DACH1: variants seen among roughly 807,000 people sequenced by gnomAD.
DACH1 encodes dachshund homolog 1.
In DACH1, 12 loss-of-function variants were observed where a neutral mutation model predicts 54.2. The ratio of observed to expected loss-of-function variants is 0.22; its 90% CI spans 0.14 to 0.36. The LOEUF is 0.36. Among genes scored for constraint, DACH1 ranks in the 10% least tolerant of loss-of-function variants. The pLI, the probability that DACH1 is intolerant of heterozygous loss-of-function variation, is 1.00. For missense variants in DACH1, 805 were observed against 929.8 expected (o/e 0.87, Z 1.75); for synonymous variants, 386 against 366.2 (o/e 1.05, Z -0.62).
chr13:71,672,015 T>A (rs534006790), intron 2 of DACH1, among the ~76,000 whole-genome samples: 4 of 152,132 alleles, frequency 2.6e-5, no homozygotes, highest in Non-Finnish European at 5.9e-5. Flanking sequence ...CAAATTGCTA[T>A]CAGCATGACT....
intron 3 of DACH1, among the ~76,000 whole-genome samples, chr13:71,578,751 G>A (rs770659643): frequency 1.8e-4 from 27 of 152,094 alleles, no homozygotes; most frequent in Non-Finnish European, 3.2e-4. Flanking sequence ...AAGTGTAGTG[G>A]TTTAGCAAAG....
intron 1 of DACH1, among the ~76,000 whole-genome samples, chr13:71,786,906 A>G (rs556975171): frequency 6.6e-6 from 1 of 152,288 alleles, no homozygotes; most frequent in African/African-American, 2.4e-5. Context: ...TCCTGGACCA[A>G]AGAATTTTCT....
intron 1 of DACH1, among the ~76,000 whole-genome samples, chr13:71,861,896 A>G (rs1033170122): frequency 1.4e-5 from 2 of 144,974 alleles, no homozygotes; most frequent in African/African-American, 5.1e-5. Flanking sequence ...ATCTTTATTA[A>G]AACTCCTAAC....
intron 7 of DACH1, 121 bp downstream of exon 7, chr13:71,488,876 G>T: frequency 1.1e-6 from 1 of 901,914 alleles, no homozygotes. Context: ...TGCTTGAAGA[G>T]TTTAATACCA....
At chr13:71,627,775 A>C (rs1876766360) in intron 3 of DACH1, among the ~76,000 whole-genome samples, 1 of 152,016 alleles carries the variant, frequency 6.6e-6, no homozygotes, top group Non-Finnish European at 1.5e-5. Flanking sequence ...TGAATGTCCT[A>C]CAAAATCTCT....
intron 1 of DACH1, among the ~76,000 whole-genome samples, chr13:71,702,032 AAAAT>A (rs781055226): frequency 2.6e-5 from 4 of 152,146 alleles, no homozygotes; most frequent in East Asian, 1.9e-4. Flanking sequence ...CTTATCCAAA[AAAAT>A]AAATAAATAA....
Position 71,557,006 on chromosome 13 carries a change from T to C in DACH1, c.1570+18A>G. ...CTATTGAATCGGGAAAAACAAGGAA[T>C]ATATAATCATACATTACCTTTTTCA... On this transcript the variant is annotated intron_variant, in intron 6 of 10. Coordinates refer to ENST00000613252, the MANE Select transcript of DACH1 (RefSeq NM_080759.6). 1.9e-6 allele frequency: 3 copies of C among 1,583,480 alleles called. No individual in the cohort carries two copies. Among genetic ancestry groups the C allele is most frequent in the Non-Finnish European group, 2.6e-6 (3 of 1,167,720 alleles).
rs6145114 is a variant in DACH1, at chr13:71,497,859, GACACACACACACACACACAC to G, written c.1571-8731_1571-8712del. ...GCAGGACCTAGAGGAAATATGTGTT[GACACACACACACACACACAC>G]ACACACACACACACACACACACAGA... On this transcript the variant is annotated intron_variant, in intron 6 of 10. Transcript: ENST00000613252. Among the ~76,000 whole-genome samples, 148 of 146,412 alleles carry G rather than the reference GACACACACACACACACACAC, an allele frequency of 1.0e-3. No individual in the cohort carries two copies. In the Middle Eastern group the frequency reaches 0.011, roughly 10 times the overall value.
At chr13:71,584,201 C>A (rs1385384886) in intron 3 of DACH1, among the ~76,000 whole-genome samples, 1 of 152,140 alleles carries the variant, frequency 6.6e-6, no homozygotes, top group African/African-American at 2.4e-5. Context: ...ATGAAACAAC[C>A]ACTTAAGACT....
intron 3 of DACH1, among the ~76,000 whole-genome samples, chr13:71,624,601 A>C (rs1876505934): frequency 6.6e-6 from 1 of 152,032 alleles, no homozygotes; most frequent in African/African-American, 2.4e-5. Flanking sequence ...TCTAGTTACC[A>C]AAACAAACAA....
At chr13:71,678,224 C>T (rs538393254) in intron 2 of DACH1, among the ~76,000 whole-genome samples, 1 of 152,154 alleles carries the variant, frequency 6.6e-6, no homozygotes, top group South Asian at 2.1e-4. Flanking sequence ...CTAAAGCATT[C>T]GGTAGACTGT....
intron 1 of DACH1, among the ~76,000 whole-genome samples, chr13:71,738,731 CAAAAAAAAAAAAAAAA>C (rs34856567): frequency 3.3e-4 from 8 of 24,064 alleles, no homozygotes; most frequent in African/African-American, 6.0e-4. Context: ...GACTCTGTCT[CAAAAAAAAAAAAAAAA>C]AAAAAAAAAA....
chr13:71,654,453 ATAAAG>A (rs1566409099), intron 2 of DACH1, among the ~76,000 whole-genome samples: 1,111 of 76,230 alleles, frequency 0.015, 6 homozygotes, highest in Middle Eastern at 0.019. Context: ...ATAAAATAAA[ATAAAG>A]TAAAATAAAA....
intron 1 of DACH1, among the ~76,000 whole-genome samples, chr13:71,751,443 A>T (rs899978975): frequency 6.6e-5 from 10 of 152,328 alleles, no homozygotes; most frequent in Middle Eastern, 3.4e-3. Context: ...TCTAGTGAAT[A>T]CCAAGAGCAC....
At chr13:71,535,354 A>G (rs952088912) in intron 6 of DACH1, among the ~76,000 whole-genome samples, 1 of 151,930 alleles carries the variant, frequency 6.6e-6, no homozygotes, top group Non-Finnish European at 1.5e-5. Context: ...TAGCATGTAT[A>G]AGAATTTCCA....
At chr13:71,624,066 T>G (rs1329316334) in intron 3 of DACH1, among the ~76,000 whole-genome samples, 1 of 151,882 alleles carries the variant, frequency 6.6e-6, no homozygotes, top group Non-Finnish European at 1.5e-5. Flanking sequence ...AAATACATAA[T>G]GAAGAAAAAT....
At chr13:71,675,018 A>G in intron 2 of DACH1, 1 of 606,164 alleles carries the variant, frequency 1.6e-6, no homozygotes, top group Non-Finnish European at 2.8e-6. Flanking sequence ...TCGCTCGCCG[A>G]GCTCCAGCCG....
At chr13:71,594,640 T>C (rs1317950873) in intron 3 of DACH1, among the ~76,000 whole-genome samples, 1 of 152,140 alleles carries the variant, frequency 6.6e-6, no homozygotes, top group Non-Finnish European at 1.5e-5. Flanking sequence ...TTTAACTGTT[T>C]CATCATCACT....
chr13:71,506,407 A>G (rs1880328919), intron 6 of DACH1, among the ~76,000 whole-genome samples: 1 of 150,418 alleles, frequency 6.6e-6, no homozygotes, highest in Admixed American at 6.7e-5. Context: ...TGTTCTTGCG[A>G]TAGTTTACTG....
Sources: allele counts gnomAD v4.1 joint callset (sites outside exome capture counted in the v4.1 genomes callset), GRCh38; gene constraint gnomAD v4.1.1; transcripts MANE v1.5; gene names NCBI Gene and HGNC (gene_info 2026-07-23, HGNC 2026-07-21).